Variants in LCOR observed in about 807,000 individuals in gnomAD.
LCOR encodes ligand dependent nuclear receptor corepressor, also known as ligand-dependent corepressor.
LCOR carries 14 observed loss-of-function variants against 64.4 expected under a neutral mutation model. The observed-to-expected ratio is 0.22, with a 90% CI of 0.14 to 0.34. LCOR has a LOEUF of 0.34. LCOR is among the 10% of genes least tolerant of loss of function. LCOR has a pLI of 1.00. For synonymous variants in LCOR, 643 were observed against 642.5 expected (o/e 1.00, Z -0.01); for missense variants, 1,686 against 1,765.3 (o/e 0.96, Z 0.80).
chr10:96,939,304 G>A (rs1186951314), intron 4 of LCOR, among the ~76,000 whole-genome samples: 1 of 152,168 alleles, frequency 6.6e-6, no homozygotes, highest in Non-Finnish European at 1.5e-5. Context: ...TATCCACATG[G>A]AAGAGAATGA....
intron 5 of LCOR, among the ~76,000 whole-genome samples, chr10:96,948,047 G>T (rs1847617750): frequency 6.6e-6 from 1 of 152,076 alleles, no homozygotes; most frequent in African/African-American, 2.4e-5. Flanking sequence ...TTATAGTGTG[G>T]TAATTATAGA....
intron 2 of LCOR, among the ~76,000 whole-genome samples, chr10:96,835,836 G>A (rs1217679193): frequency 6.6e-6 from 1 of 152,192 alleles, no homozygotes; most frequent in East Asian, 1.9e-4. Flanking sequence ...ATTAGGTTCA[G>A]TTGAATTGGA....
At chr10:96,872,466 G>C (rs771428724) in intron 2 of LCOR, among the ~76,000 whole-genome samples, 35 of 152,206 alleles carry the variant, frequency 2.3e-4, no homozygotes, top group Non-Finnish European at 4.4e-4. Context: ...GCCGAGGTGG[G>C]TGGATCGCTT....
chr10:96,855,782 C>T (rs1376460618), intron 2 of LCOR, among the ~76,000 whole-genome samples: 4 of 151,668 alleles, frequency 2.6e-5, no homozygotes, highest in African/African-American at 9.7e-5. Flanking sequence ...CACTCCATTG[C>T]CCAGGCTGGA....
intron 2 of LCOR, among the ~76,000 whole-genome samples, chr10:96,874,195 C>T (rs977433814): frequency 2.0e-5 from 3 of 152,140 alleles, no homozygotes; most frequent in African/African-American, 7.2e-5. Context: ...TGTAAGTTGT[C>T]TTGCACAATA....
intron 2 of LCOR, among the ~76,000 whole-genome samples, chr10:96,865,166 G>T (rs1845950148): frequency 6.6e-6 from 1 of 152,104 alleles, no homozygotes; most frequent in Non-Finnish European, 1.5e-5. Flanking sequence ...TCCCTCTTAA[G>T]ACTCATTCTG....
At chr10:96,941,542 A>AC (rs574987146) in intron 4 of LCOR, among the ~76,000 whole-genome samples, 7,907 of 64,966 alleles carry the variant, frequency 0.12, 75 homozygotes, top group African/African-American at 0.26. Flanking sequence ...CGGGGGGCTG[A>AC]CCCCCCCCAC....
At chr10:96,834,935 CT>C (rs1235983550) in intron 2 of LCOR, among the ~76,000 whole-genome samples, 2 of 152,176 alleles carry the variant, frequency 1.3e-5, no homozygotes, top group South Asian at 4.1e-4. Flanking sequence ...GAGTTTCACT[CT>C]TTTGCCCGGG....
chr10:96,861,986 T>G (rs1845895078), intron 2 of LCOR, among the ~76,000 whole-genome samples: 1 of 152,234 alleles, frequency 6.6e-6, no homozygotes, highest in South Asian at 2.1e-4. Flanking sequence ...TGTCTTCAAG[T>G]TGGGGTTCCC....
chr10:96,877,465 A>G (rs1186332062), intron 2 of LCOR, among the ~76,000 whole-genome samples: 1 of 152,120 alleles, frequency 6.6e-6, no homozygotes, highest in African/African-American at 2.4e-5. Context: ...TCGTGGCTGC[A>G]GTGAGCTGTG....
chr10:96,991,352 C>T lies in LCOR; in HGVS notation c.*6218C>T, dbSNP rs1016747002. 2 of 152,156 alleles carry T rather than the reference C, an allele frequency of 1.3e-5. No individual in the cohort carries two copies. The highest frequency in any genetic ancestry group is 2.4e-5 in the African/African-American group (1 of 41,428). The allele number at this position is 152,156 out of a possible 1,614,324, so 9.4% of individuals were successfully genotyped here. A position where few individuals can be genotyped will look rare whatever the true frequency, so the allele number is the denominator to read the frequency against. ...GTTAATAAGTTGTGGGCCATGTGAT[C>T]ATATCTATTAGGGTATGTAGTGAAA... On this transcript the variant is annotated 3_prime_UTR_variant, in exon 8 of 8. Transcript: ENST00000421806.
intron 4 of LCOR, among the ~76,000 whole-genome samples, chr10:96,935,373 TC>T: frequency 6.6e-6 from 1 of 152,196 alleles, no homozygotes; most frequent in Middle Eastern, 3.4e-3. Flanking sequence ...GATCTCAAAT[TC>T]CTGACCTCAG....
intron 7 of LCOR, among the ~76,000 whole-genome samples, chr10:96,953,178 C>G (rs1847711161): frequency 6.6e-6 from 1 of 152,070 alleles, no homozygotes; most frequent in Admixed American, 6.6e-5. Flanking sequence ...TAATCTTTTT[C>G]TTAACCCCTT....
In LCOR at chr10:96,992,018, G is replaced by A. The variant is rs1848205235; in HGVS notation, c.*6884G>A. 1 of 152,098 alleles carries A rather than the reference G, an allele frequency of 6.6e-6. No homozygotes were observed. Among genetic ancestry groups the A allele is most frequent in the Non-Finnish European group, 1.5e-5 (1 of 68,034 alleles). 9.4% of individuals were successfully genotyped at this position (152,098 alleles called of 1,614,324 possible). On this transcript the variant is annotated 3_prime_UTR_variant, in exon 8 of 8. Transcript: ENST00000421806. ...TTTAAACCCCAGTTTTCTGTGATCT[G>A]CACCTCATAGTTGTCTTGTAGCTAA...
intron 7 of LCOR, among the ~76,000 whole-genome samples, chr10:96,979,425 A>G (rs1412046243): frequency 6.6e-6 from 1 of 152,200 alleles, no homozygotes; most frequent in African/African-American, 2.4e-5. Context: ...CTGGCTGTCT[A>G]AGCAGGTATT....
chr10:96,834,466 A>G (rs11188937), intron 2 of LCOR, among the ~76,000 whole-genome samples: 21,251 of 152,142 alleles, frequency 0.14, 2,036 homozygotes, highest in African/African-American at 0.26. Context: ...ATTATTATGC[A>G]TGTACTAAAA....
chr10:96,952,042 AT>A (rs1332963298), intron 6 of LCOR, 60 bp from the exon 7 acceptor site: 10 of 1,196,666 alleles, frequency 8.4e-6, no homozygotes, highest in Non-Finnish European at 1.2e-5. Flanking sequence ...TTTTTAGCCT[AT>A]TTAGTTTACA....
chr10:96,841,618 C>T (rs982111132), intron 2 of LCOR, among the ~76,000 whole-genome samples: 9 of 152,040 alleles, frequency 5.9e-5, no homozygotes, highest in African/African-American at 2.2e-4. Flanking sequence ...ACCTTGGCCT[C>T]CCAAAGTGTT....
intron 2 of LCOR, among the ~76,000 whole-genome samples, chr10:96,874,784 T>A (rs768374436): frequency 2.0e-5 from 3 of 151,812 alleles, no homozygotes; most frequent in Non-Finnish European, 4.4e-5. Flanking sequence ...ATTACAGGCA[T>A]GTACCACCAC....
Sources: gnomAD v4.1 joint callset for allele counts (sites outside exome capture counted in the v4.1 genomes callset) on GRCh38, gnomAD v4.1.1 for gene constraint, MANE v1.5 for transcripts, NCBI Gene and HGNC (gene_info 2026-07-23, HGNC 2026-07-21) for gene names.